TM6SF2: variants seen among roughly 807,000 people sequenced by gnomAD.
TM6SF2 encodes transmembrane 6 superfamily member 2.
TM6SF2 carries 29 observed loss-of-function variants against 41.0 expected under a neutral mutation model. The observed-to-expected ratio is 0.71, with a 90% CI of 0.53 to 0.96. The LOEUF is 0.96. TM6SF2 is among the 50% of genes least tolerant of loss of function. The probability of loss-of-function intolerance (pLI) is 0.00; values close to 1 mark genes in which losing one functional copy is unlikely to be tolerated. For missense variants in TM6SF2, 475 were observed against 499.0 expected (o/e 0.95, Z 0.46); for synonymous variants, 200 against 209.1 (o/e 0.96, Z 0.37).
chr19:19,265,810 C>G (rs532385541), intron 9 of TM6SF2, among the ~76,000 whole-genome samples: 4 of 152,122 alleles, frequency 2.6e-5, no homozygotes, highest in African/African-American at 9.7e-5. Context: ...ACTTGCCTAA[C>G]CCCATCTCCT....
chr19:19,264,526 T>C lies in TM6SF2; in HGVS notation c.*138A>G. On this transcript the variant is annotated 3_prime_UTR_variant, in exon 10 of 10. Coordinates refer to ENST00000389363, the MANE Select transcript of TM6SF2 (RefSeq NM_001001524.3). The stretch of plus-strand genomic sequence containing the variant: ...GGTCGTTGGTCTCCATCCCACCCAC[T>C]GGACTGAAACTACCATAGCCAAGAC... 1 of 689,090 alleles carries C rather than the reference T, an allele frequency of 1.5e-6. No individual in the cohort carries two copies. Among genetic ancestry groups the C allele is most frequent in the South Asian group, 4.5e-5 (1 of 22,102 alleles). The allele number at this position is 689,090 out of a possible 1,614,324, so 42.7% of individuals were successfully genotyped here.
In TM6SF2 at chr19:19,266,628, A is replaced by T; in HGVS notation, c.805-19T>A. ...TCAGCATCTGCAGGGGCGGGAGGAG[A>T]GGGGCACCAGCCTGTGAGATGAGCA... On this transcript the variant is annotated intron_variant, in intron 8 of 9. Transcript: ENST00000389363. 6.2e-7 allele frequency: 1 copy of T among 1,602,630 alleles called. No homozygotes were observed.
At chr19:19,267,164 T>A (rs1303177172) in intron 8 of TM6SF2, among the ~76,000 whole-genome samples, 2 of 150,520 alleles carry the variant, frequency 1.3e-5, no homozygotes, top group African/African-American at 4.9e-5. Context: ...AGGTCAGGAG[T>A]TCGAGACCAG....
Position 19,271,034 on chromosome 19 carries a change from G to A in TM6SF2, c.187C>T (p.Pro63Ser), listed in dbSNP as rs2061022039. ...CCCACTGACTCACCAGCATAGAGTG[G>A]GTCATAGGAGACCTCGCCATGGGAC... ...SLSHGEVSYDPLYAVFAVFAF... is the reference protein window; with the variant it reads ...SLSHGEVSYDSLYAVFAVFAF... Residue 63 changes from proline to serine, a missense_variant, in exon 2 of 10, where the codon CCA (proline) becomes TCA (serine). Coordinates refer to ENST00000389363, the MANE Select transcript of TM6SF2 (RefSeq NM_001001524.3). The A allele has an allele frequency of 2.5e-6, 4 of 1,613,672 alleles. No individual in the cohort carries two copies. The East Asian group carries it at 6.7e-5, about 27-fold the overall frequency.
At chr19:19,273,038 TC>T (rs1374257700) in intron 1 of TM6SF2, 82 bp downstream of exon 1, 3 of 1,084,890 alleles carry the variant, frequency 2.8e-6, no homozygotes, top group Admixed American at 3.7e-5. Context: ...CCGCGCATCC[TC>T]CCTCCAGCCC....
At position 19,267,926 on chromosome 19, in the gene TM6SF2, G is replaced by A. The variant is rs894985010; in HGVS notation, c.711+60C>T. ...AAACAGGAAGGGCAGTGTGGGAGAG[G>A]TGGGTCAGGGAAGGGAGACTGGTGG... On this transcript the variant is annotated intron_variant, in intron 7 of 9. Coordinates refer to ENST00000389363, the MANE Select transcript of TM6SF2 (RefSeq NM_001001524.3). 1.1e-5 allele frequency: 15 copies of A among 1,348,074 alleles called. No individual in the cohort carries two copies. In the Admixed American group the frequency reaches 2.4e-4, roughly 22 times the overall value. 83.5% of individuals were successfully genotyped at this position (1,348,074 alleles called of 1,614,324 possible).
chr19:19,264,679 G>A lies in TM6SF2; in HGVS notation c.1119C>T (p.His373=), dbSNP rs2060996202. ...CACAGCTCTCTCAATGCTGCTTCTT[G>A]TGGAGGGCTAGGGGGTCGGAGGGTG... ...QPPPSDPLAL[H]KKQH Residue 373 remains histidine, a synonymous_variant, in exon 10 of 10, where the codon CAC becomes CAT. Transcript: ENST00000389363. 6.6e-7 allele frequency: 1 copy of A among 1,520,534 alleles called. No homozygotes were observed. Among genetic ancestry groups the A allele is most frequent in the Admixed American group, 2.0e-5 (1 of 48,954 alleles). 94.2% of individuals were successfully genotyped at this position (1,520,534 alleles called of 1,614,324 possible). A position where few individuals can be genotyped will look rare whatever the true frequency, so the allele number is the denominator to read the frequency against.
In TM6SF2 at chr19:19,269,787, G is replaced by GGGTGACCA. The variant is rs2061016317; in HGVS notation, c.402-26_402-19dup. On this transcript the variant is annotated intron_variant, in intron 4 of 9. Transcript: ENST00000389363. ...ATCTCTTCCTGAGCAGGGGATGGAG[G>GGGTGACCA]GGTGACCAGCAGGTAGTCACTCCGT... 1.2e-6 allele frequency: 2 copies of GGGTGACCA among 1,613,762 alleles called. No individual in the cohort carries two copies. Among genetic ancestry groups the GGGTGACCA allele is most frequent in the Non-Finnish European group, 8.5e-7 (1 of 1,179,954 alleles).
rs2061011571 is a variant in TM6SF2, at chr19:19,268,494, C to T, written c.609+136G>A. On this transcript the variant is annotated intron_variant, in intron 6 of 9. Coordinates refer to ENST00000389363, the MANE Select transcript of TM6SF2 (RefSeq NM_001001524.3). ...AAATGTTGGGATTACAGGCATGAGCCACCGCACCCAGCCCTCCCTTCTTTC... is the reference window on the plus strand; with the variant it reads ...AAATGTTGGGATTACAGGCATGAGCTACCGCACCCAGCCCTCCCTTCTTTC... The T allele has an allele frequency of 1.4e-5, 18 of 1,319,284 alleles. No homozygotes were observed. In the South Asian group the frequency reaches 2.6e-4, roughly 19 times the overall value. 81.7% of individuals were successfully genotyped at this position (1,319,284 alleles called of 1,614,324 possible). A position where few individuals can be genotyped will look rare whatever the true frequency, so the allele number is the denominator to read the frequency against.
chr19:19,266,566 GC>G lies in TM6SF2; in HGVS notation c.847del (p.Ala283LeufsTer88), dbSNP rs1274481893. Reference protein sequence around the residue: ...MFYVLPFCGLAAYALTFPGCS... With the variant: ...MFYVLPFCGLXAYALTFPGCS... ...ACCAGGGAAGGTGAGAGCATAGGCA[GC>G]CAGGCCGCAGAAAGGCAGGACATAA... On this transcript the variant is annotated frameshift_variant, in exon 9 of 10. Coordinates refer to ENST00000389363, the MANE Select transcript of TM6SF2 (RefSeq NM_001001524.3). LOFTEE classifies it high-confidence loss of function. 6.2e-7 allele frequency: 1 copy of G among 1,613,920 alleles called. No homozygotes were observed. Among genetic ancestry groups the G allele is most frequent in the East Asian group, 2.2e-5 (1 of 44,884 alleles).
chr19:19,269,128 G>C (rs982141722), intron 5 of TM6SF2, among the ~76,000 whole-genome samples: 4 of 152,158 alleles, frequency 2.6e-5, no homozygotes, highest in Non-Finnish European at 2.9e-5. Context: ...GGCCTCTCTG[G>C]CTGGACATCT....
chr19:19,266,802 A>C, intron 8 of TM6SF2, 193 bp from the exon 9 acceptor site: 1 of 564,968 alleles, frequency 1.8e-6, no homozygotes, highest in Non-Finnish European at 3.0e-6. Context: ...CATACACCAA[A>C]CCTACTAACC....
Position 19,270,333 on chromosome 19 carries a change from T to TC in TM6SF2, c.297+11dup. The TC allele has an allele frequency of 1.2e-6, 2 of 1,613,958 alleles. No individual in the cohort carries two copies. Among genetic ancestry groups the TC allele is most frequent in the Non-Finnish European group, 1.7e-6 (2 of 1,179,898 alleles). ...AGTGCGGTAGGGGGCTCCCTGGTCG[T>TC]CCCCCAAGTACCTCCTTGGTGTAGA... On this transcript the variant is annotated intron_variant, in intron 3 of 9. Coordinates refer to ENST00000389363, the MANE Select transcript of TM6SF2 (RefSeq NM_001001524.3).
chr19:19,270,542 A>G, intron 2 of TM6SF2, 100 bp from the exon 3 acceptor site: 1 of 1,415,634 alleles, frequency 7.1e-7, no homozygotes. Flanking sequence ...GTCAGGGATG[A>G]GATTATTCCA....
intron 8 of TM6SF2, chr19:19,266,848 A>T: frequency 4.6e-6 from 2 of 436,180 alleles, no homozygotes; most frequent in Non-Finnish European, 8.4e-6. Flanking sequence ...TGGCCTAGCC[A>T]GTCGGAGCAT....
At chr19:19,268,606 G>A in intron 6 of TM6SF2, 24 bp downstream of exon 6, 1 of 1,559,028 alleles carries the variant, frequency 6.4e-7, no homozygotes, top group Non-Finnish European at 8.6e-7. Context: ...TTGGGACAAG[G>A]CCTAAGAGGG....
chr19:19,269,967 A>G (rs770917482), intron 4 of TM6SF2, 198 bp from the exon 5 acceptor site: 31 of 1,479,906 alleles, frequency 2.1e-5, no homozygotes, highest in Non-Finnish European at 2.8e-5. Context: ...CTGCCCAGGC[A>G]CAGGGTGGAT....
rs2061003927 is a variant in TM6SF2, at chr19:19,266,597, T to C, written c.817A>G (p.Met273Val). Residue 273 changes from methionine (M) to valine (V), a missense_variant, in exon 9 of 10, where the codon ATG becomes GTG. Met to Val is a conservative substitution (Grantham distance 21). Around this residue, in one of 3 missense-constraint regions of TM6SF2, gnomAD observed 190 missense variants for 190.2 expected, o/e 1.00. Coordinates refer to ENST00000389363, the MANE Select transcript of TM6SF2 (RefSeq NM_001001524.3). ...AYPKVQMLMY[M>V]FYVLPFCGLA... ...CCGCAGAAAGGCAGGACATAAAACA[T>C]GTACATCAGCATCTGCAGGGGCGGG... 6.2e-7 allele frequency: 1 copy of C among 1,613,360 alleles called. No homozygotes were observed. The highest frequency in any genetic ancestry group is 1.7e-5 in the Admixed American group (1 of 59,988).
chr19:19,271,261 T>C, intron 1 of TM6SF2, 136 bp from the exon 2 acceptor site: 3 of 714,920 alleles, frequency 4.2e-6, no homozygotes, highest in Non-Finnish European at 7.6e-6. Context: ...CCATCAATGC[T>C]GTTCCCTGAA....
Sources: allele counts gnomAD v4.1 joint callset (sites outside exome capture counted in the v4.1 genomes callset), GRCh38; gene constraint gnomAD v4.1.1; regional missense constraint gnomAD v4.1.1; transcripts MANE v1.5; gene names NCBI Gene and HGNC (gene_info 2026-07-23, HGNC 2026-07-21).